TRPM1: variants seen among roughly 807,000 people sequenced by gnomAD.
The protein encoded by TRPM1 is TRPM1-203 APA Isoform, Intron 10.
Under a neutral mutation model 149.4 loss-of-function variants are expected in TRPM1, and 113 were observed. The ratio of observed to expected loss-of-function variants is 0.76; its 90% CI spans 0.65 to 0.88. The LOEUF is 0.88. TRPM1 is among the 40% of genes least tolerant of loss of function. The pLI is 0.00. For synonymous variants in TRPM1, 741 were observed against 759.5 expected, an observed-to-expected ratio of 0.98 and a Z score of 0.40; for missense variants, 1,976 against 2,038.7, an observed-to-expected ratio of 0.97 and a Z score of 0.59.
chr15:31,043,142 T>A (rs1420627115), intron 16 of TRPM1, among the ~76,000 whole-genome samples: 1 of 152,206 alleles, frequency 6.6e-6, no homozygotes, highest in African/African-American at 2.4e-5. Context: ...ATAGGAGGTA[T>A]CCTGGCTCTC....
chr15:31,061,596 G>A, intron 9 of TRPM1, 82 bp from the exon 10 acceptor site: 2 of 1,113,906 alleles, frequency 1.8e-6, no homozygotes, highest in Non-Finnish European at 2.7e-6. Flanking sequence ...TGACCACAGA[G>A]ACTGACACGT....
intron 1 of TRPM1, among the ~76,000 whole-genome samples, chr15:31,113,330 G>T (rs1567062312): frequency 6.6e-6 from 1 of 152,104 alleles, no homozygotes; most frequent in Non-Finnish European, 1.5e-5. Context: ...CCCCTGACTG[G>T]GAAAGACTTG....
intron 18 of TRPM1, among the ~76,000 whole-genome samples, chr15:31,039,748 C>T (rs1596007663): frequency 6.6e-6 from 1 of 152,320 alleles, no homozygotes; most frequent in Middle Eastern, 3.4e-3. Context: ...GAGTTCCAGT[C>T]CCTCCTTTAA....
chr15:31,139,926 A>C (rs536535792), intron 1 of TRPM1, among the ~76,000 whole-genome samples: 1 of 152,350 alleles, frequency 6.6e-6, no homozygotes, highest in Admixed American at 6.5e-5. Context: ...CTTAATCTTA[A>C]AGTCATGTTA....
chr15:31,104,632 T>C (rs184269521), upstream of TRPM1, among the ~76,000 whole-genome samples: 3,648 of 138,854 alleles, frequency 0.026, 67 homozygotes, highest in Non-Finnish European at 0.035. Flanking sequence ...CTTGCTCTGT[T>C]GCCCAGGCTG....
At chr15:31,114,847 A>G (rs2035775450) in intron 1 of TRPM1, among the ~76,000 whole-genome samples, 2 of 152,274 alleles carry the variant, frequency 1.3e-5, no homozygotes. Context: ...AAATATCACA[A>G]ATAAAAGCAT....
At chr15:31,138,778 TG>T (rs1249566235) in intron 1 of TRPM1, among the ~76,000 whole-genome samples, 1 of 152,176 alleles carries the variant, frequency 6.6e-6, no homozygotes, top group African/African-American at 2.4e-5. Context: ...CACAACTTCT[TG>T]GCACTTAGCT....
intron 1 of TRPM1, among the ~76,000 whole-genome samples, chr15:31,133,212 G>A (rs903706711): frequency 2.0e-5 from 3 of 151,882 alleles, no homozygotes; most frequent in African/African-American, 4.9e-5. Flanking sequence ...TGAGGTGGGC[G>A]GATCACTTGA....
intron 1 of TRPM1, among the ~76,000 whole-genome samples, chr15:31,119,908 T>C (rs2035854087): frequency 6.6e-6 from 1 of 151,970 alleles, no homozygotes; most frequent in African/African-American, 2.4e-5. Flanking sequence ...AAATGCTCAA[T>C]TGAAACTAGA....
At chr15:31,143,813 A>G (rs1312036062) in intron 1 of TRPM1, among the ~76,000 whole-genome samples, 1 of 152,184 alleles carries the variant, frequency 6.6e-6, no homozygotes, top group Non-Finnish European at 1.5e-5. Context: ...AACAAAAATT[A>G]GAACGTTTGC....
At chr15:31,055,731 A>G (rs115730182) in intron 11 of TRPM1, among the ~76,000 whole-genome samples, 2,321 of 152,318 alleles carry the variant, frequency 0.015, 64 homozygotes, top group African/African-American at 0.051. Flanking sequence ...CTTCCTAAGC[A>G]GGGAATTCCT....
Position 31,117,142 on chromosome 15 carries a change from G to C in TRPM1, c.55-40158C>G, listed in dbSNP as rs538438346. ...AGGTGGGTGGATCATCTGAGGTCAGGAGTTCAAGAGCAGCCTGGCCAACAT... is the reference window on the plus strand; with the variant it reads ...AGGTGGGTGGATCATCTGAGGTCAGCAGTTCAAGAGCAGCCTGGCCAACAT... On this transcript the variant is annotated intron_variant, in intron 1 of 26. Coordinates refer to the TRPM1 transcript ENST00000542188. 1.1e-3 allele frequency among the ~76,000 whole-genome samples: 161 copies of C among 152,254 alleles called. 1 individual carries two copies. The highest frequency in any genetic ancestry group is 3.6e-3 in the African/African-American group (151 of 41,552).
intron 1 of TRPM1, among the ~76,000 whole-genome samples, chr15:31,151,005 C>T (rs2036295723): frequency 6.6e-6 from 1 of 152,162 alleles, no homozygotes; most frequent in African/African-American, 2.4e-5. Context: ...AAATAAGATG[C>T]CCAGCCCACA....
At chr15:31,052,287 G>C (rs2033966377) in intron 11 of TRPM1, among the ~76,000 whole-genome samples, 1 of 152,162 alleles carries the variant, frequency 6.6e-6, no homozygotes, top group South Asian at 2.1e-4. Flanking sequence ...GGATGAAAAA[G>C]TGTCTTGGCT....
At chr15:31,149,524 CTCTTTT>C (rs2036265812) in intron 1 of TRPM1, among the ~76,000 whole-genome samples, 1 of 128,844 alleles carries the variant, frequency 7.8e-6, no homozygotes, top group South Asian at 2.4e-4. Flanking sequence ...ATCTCTCTCT[CTCTTTT>C]TTTTTTTTTT....
chr15:31,077,320 G>C (rs915094808), intron 2 of TRPM1, among the ~76,000 whole-genome samples: 1 of 152,204 alleles, frequency 6.6e-6, no homozygotes, highest in Non-Finnish European at 1.5e-5. Context: ...GAAATGGCAC[G>C]TTAGGGGTGT....
chr15:31,140,067 T>C (rs1233778481), intron 1 of TRPM1, among the ~76,000 whole-genome samples: 1 of 152,092 alleles, frequency 6.6e-6, no homozygotes, highest in African/African-American at 2.4e-5. Context: ...CTAAACCTCA[T>C]GTTGAAATTT....
intron 6 of TRPM1, 143 bp downstream of exon 6, chr15:31,066,920 T>G (rs1272661466): frequency 9.1e-7 from 1 of 1,095,132 alleles, no homozygotes; most frequent in African/African-American, 1.6e-5. Flanking sequence ...ATTATGGTTT[T>G]GCAAGATGTT....
At chr15:31,013,125 C>T (rs2032245292) in intron 27 of TRPM1, among the ~76,000 whole-genome samples, 1 of 151,868 alleles carries the variant, frequency 6.6e-6, no homozygotes, top group South Asian at 2.1e-4. Context: ...GGACTACCGG[C>T]ACCACCATGC....
Sources: allele counts gnomAD v4.1 joint callset (sites outside exome capture counted in the v4.1 genomes callset), GRCh38; gene constraint gnomAD v4.1.1; transcripts MANE v1.5; gene names NCBI Gene and HGNC (gene_info 2026-07-23, HGNC 2026-07-21).